The following DIP2B variants were observed in gnomAD, a reference collection of about 807,000 sequenced individuals.
DIP2B encodes disco-interacting protein 2 homolog B.
Under a neutral mutation model 198.0 loss-of-function variants are expected in DIP2B, and 76 were observed. The ratio of observed to expected loss-of-function variants is 0.38; its 90% CI spans 0.32 to 0.46. The LOEUF (loss-of-function observed/expected upper bound fraction) is 0.46. Ranked by LOEUF, DIP2B falls within the 20% of genes least tolerant of loss-of-function variation. DIP2B has a pLI of 0.99. For synonymous variants in DIP2B, 701 were observed against 739.1 expected (o/e 0.95, Z 0.84); for missense variants, 1,559 against 1,978.4 (o/e 0.79, Z 4.02).
At chr12:50,565,870 C>G (rs988638375) in intron 1 of DIP2B, among the ~76,000 whole-genome samples, 1 of 152,074 alleles carries the variant, frequency 6.6e-6, no homozygotes, top group African/African-American at 2.4e-5. Context: ...CTGTTAACTG[C>G]TTAATCTAAG....
chr12:50,718,859 A>G (rs765116419), intron 24 of DIP2B, 41 bp downstream of exon 24: 1 of 1,612,188 alleles, frequency 6.2e-7, no homozygotes, highest in South Asian at 1.1e-5. Flanking sequence ...AGTCAAGTCA[A>G]GGACAGAACT....
intron 1 of DIP2B, among the ~76,000 whole-genome samples, chr12:50,544,634 T>TCTTTTTC (rs1958359635): frequency 1.4e-5 from 2 of 147,882 alleles, no homozygotes; most frequent in Non-Finnish European, 3.0e-5. Flanking sequence ...CTTTTTTTTT[T>TCTTTTTC]TTTTTTTGAG....
chr12:50,705,330 T>C (rs1361536344), intron 20 of DIP2B, among the ~76,000 whole-genome samples: 1 of 152,232 alleles, frequency 6.6e-6, no homozygotes, highest in Non-Finnish European at 1.5e-5. Context: ...GAATCAACTC[T>C]CTACACCTTT....
In DIP2B at chr12:50,678,794, G is replaced by A. The variant is rs1938990564; in HGVS notation, c.1032G>A (p.Gln344=). The A allele has an allele frequency of 1.2e-6, 2 of 1,614,188 alleles. No homozygotes were observed. Among genetic ancestry groups the A allele is most frequent in the South Asian group, 1.1e-5 (1 of 91,084 alleles). The change falls in exon 8 of 38, where the codon CAG becomes CAA. Residue 344 remains glutamine, a synonymous_variant. Coordinates refer to ENST00000301180, the MANE Select transcript of DIP2B (RefSeq NM_173602.3). ...NWPPALESAL[Q]RWGTTQAKCS... is the part of the protein sequence containing the mutation. ...CTCCTGCTCTTGAATCTGCCCTGCA[G>A]CGCTGGGGTACCACTCAAGCAAAAT...
intron 1 of DIP2B, among the ~76,000 whole-genome samples, chr12:50,567,339 ATGTG>A: frequency 6.6e-6 from 1 of 152,188 alleles, no homozygotes; most frequent in South Asian, 2.1e-4. Context: ...GTATACCTGC[ATGTG>A]TGTGTGTATA....
At chr12:50,673,616 A>G (rs1938893800) in intron 5 of DIP2B, among the ~76,000 whole-genome samples, 1 of 152,030 alleles carries the variant, frequency 6.6e-6, no homozygotes, top group Admixed American at 6.6e-5. Flanking sequence ...GCAAGACTCC[A>G]TCTCTACTAA....
chr12:50,536,632 G>A (rs981778146), intron 1 of DIP2B, among the ~76,000 whole-genome samples: 1 of 151,406 alleles, frequency 6.6e-6, no homozygotes, highest in Non-Finnish European at 1.5e-5. Flanking sequence ...CAGTGGCGTG[G>A]TCTTGGCTCA....
intron 1 of DIP2B, among the ~76,000 whole-genome samples, chr12:50,554,765 C>G (rs557044160): frequency 8.6e-5 from 13 of 151,978 alleles, no homozygotes; most frequent in African/African-American, 2.9e-4. Flanking sequence ...CCGCTCCCCC[C>G]CCGCCCCTTT....
At position 50,545,437 on chromosome 12, in the gene DIP2B, G is replaced by A. The variant is rs189651614; in HGVS notation, c.100+40197G>A. Among the ~76,000 whole-genome samples the A allele has an allele frequency of 2.6e-4, 38 of 143,912 alleles. No individual in the cohort carries two copies. In the East Asian group the frequency reaches 3.2e-3, roughly 12 times the overall value. 94.4% of individuals were successfully genotyped at this position (143,912 alleles called of 152,430 possible). A position where few individuals can be genotyped will look rare whatever the true frequency, so the allele number is the denominator to read the frequency against. ...GTCACCCAGCCTAGAGTGCAGTGGC[G>A]CCATCACAGCTCACTACAGCCTTGA... On this transcript the variant is annotated intron_variant, in intron 1 of 37. Transcript: ENST00000301180.
intron 1 of DIP2B, among the ~76,000 whole-genome samples, chr12:50,614,416 A>G (rs1015453566): frequency 7.4e-6 from 1 of 134,558 alleles, no homozygotes; most frequent in East Asian, 2.1e-4. Context: ...CTTCTGGGTG[A>G]TATCATTCAC....
chr12:50,505,826 A>C (rs1274048828), intron 1 of DIP2B, among the ~76,000 whole-genome samples: 1 of 151,842 alleles, frequency 6.6e-6, no homozygotes, highest in Non-Finnish European at 1.5e-5. Context: ...AGAGAGACAC[A>C]CGGTGCTGCT....
At chr12:50,511,291 A>ATTTTTTTTTT (rs71083581) in intron 1 of DIP2B, among the ~76,000 whole-genome samples, 13,142 of 64,352 alleles carry the variant, frequency 0.2, 4,277 homozygotes, top group Middle Eastern at 0.27. Flanking sequence ...TGTGATTTCT[A>ATTTTTTTTTT]TTTTTTTTTT....
chr12:50,687,510 GA>G (rs1939152525), intron 12 of DIP2B, among the ~76,000 whole-genome samples: 1 of 152,162 alleles, frequency 6.6e-6, no homozygotes, highest in Non-Finnish European at 1.5e-5. Flanking sequence ...ACACTGTGGT[GA>G]TAAGTAGAGA....
At chr12:50,670,674 C>T (rs1938836924) in intron 4 of DIP2B, among the ~76,000 whole-genome samples, 1 of 152,128 alleles carries the variant, frequency 6.6e-6, no homozygotes, top group Admixed American at 6.5e-5. Context: ...GCCTCAGCCT[C>T]CCAAAGTGTT....
At chr12:50,733,995 C>A (rs1357833345) in intron 32 of DIP2B, 140 bp from the exon 33 acceptor site, 9 of 805,566 alleles carry the variant, frequency 1.1e-5, no homozygotes, top group African/African-American at 1.7e-5. Context: ...AGAGTGAGAG[C>A]AGGGGGCCTA....
At position 50,674,601 on chromosome 12, in the gene DIP2B, C is replaced by T. The variant is rs142878655; in HGVS notation, c.768C>T (p.Asn256=). The change falls in exon 6 of 38, where the codon AAC becomes AAT. Residue 256 remains asparagine (N), a synonymous_variant. Coordinates refer to ENST00000301180, the MANE Select transcript of DIP2B (RefSeq NM_173602.3). ...GIVKGMHKGS[N]RSSLMDTADG... ...TTAAAGGCATGCACAAAGGATCCAA[C>T]AGGTCCAGCCTTATGGATACAGCTG... is the stretch of plus-strand genomic sequence containing the variant. 69 of 1,614,206 alleles carry T rather than the reference C, an allele frequency of 4.3e-5. No homozygotes were observed. In the African/African-American group the frequency reaches 8.4e-4, roughly 20 times the overall value.
chr12:50,634,581 T>C (rs1196160306), intron 2 of DIP2B, among the ~76,000 whole-genome samples: 1 of 152,166 alleles, frequency 6.6e-6, no homozygotes, highest in Non-Finnish European at 1.5e-5. Flanking sequence ...TCACTCTACT[T>C]AGGGGTTTGT....
At chr12:50,655,808 C>T (rs1565860462) in intron 3 of DIP2B, among the ~76,000 whole-genome samples, 1 of 152,152 alleles carries the variant, frequency 6.6e-6, no homozygotes, top group Non-Finnish European at 1.5e-5. Context: ...AGTGAAACTC[C>T]ATCTCTACCA....
At chr12:50,505,266 G>C (rs1238913982) in intron 1 of DIP2B, 26 bp downstream of exon 1, 2 of 1,457,008 alleles carry the variant, frequency 1.4e-6, no homozygotes, top group African/African-American at 1.5e-5. Context: ...GGGAGAGGGC[G>C]CCCGGGGCCC....
Sources: allele counts gnomAD v4.1 joint callset (sites outside exome capture counted in the v4.1 genomes callset), GRCh38; gene constraint gnomAD v4.1.1; transcripts MANE v1.5; gene names NCBI Gene and HGNC (gene_info 2026-07-23, HGNC 2026-07-21).